The following CACNA1E variants were observed in gnomAD, a reference collection of about 807,000 sequenced individuals.
CACNA1E encodes calcium voltage-gated channel subunit alpha1 E.
Under a neutral mutation model 259.2 loss-of-function variants are expected in CACNA1E, and 40 were observed. The ratio of observed to expected loss-of-function variants is 0.15; its 90% CI spans 0.12 to 0.20. The LOEUF (loss-of-function observed/expected upper bound fraction) is 0.20. CACNA1E is among the 10% of genes least tolerant of loss of function. The pLI is 1.00. For synonymous variants in CACNA1E, 1,104 were observed against 1,138.5 expected, an observed-to-expected ratio of 0.97 and a Z score of 0.61; for missense variants, 1,874 against 3,040.1, an observed-to-expected ratio of 0.62 and a Z score of 9.02.
At chr1:181,715,267 T>A in intron 8 of CACNA1E, 71 bp from the exon 9 acceptor site, 1 of 922,736 alleles carries the variant, frequency 1.1e-6, no homozygotes. Flanking sequence ...AAGTTGTCCC[T>A]GAGGGATTTT....
At chr1:181,660,027 A>C (rs1350388399) in intron 7 of CACNA1E, among the ~76,000 whole-genome samples, 1 of 152,216 alleles carries the variant, frequency 6.6e-6, no homozygotes, top group African/African-American at 2.4e-5. Context: ...ATTGATGTAC[A>C]CACTAATTCA....
intron 1 of CACNA1E, among the ~76,000 whole-genome samples, chr1:181,399,256 A>G (rs1656915417): frequency 6.6e-6 from 1 of 151,828 alleles, no homozygotes; most frequent in African/African-American, 2.4e-5. Flanking sequence ...AAGGAAAAAA[A>G]AAAAGCAAAT....
chr1:181,741,517 G>A (rs993798191), intron 25 of CACNA1E, among the ~76,000 whole-genome samples: 3 of 152,186 alleles, frequency 2.0e-5, no homozygotes, highest in Non-Finnish European at 4.4e-5. Flanking sequence ...ACAGATAGAT[G>A]TGTGCAGGCT....
At chr1:181,528,405 TG>T (rs1310479336) in intron 3 of CACNA1E, among the ~76,000 whole-genome samples, 1 of 152,126 alleles carries the variant, frequency 6.6e-6, no homozygotes, top group Non-Finnish European at 1.5e-5. Flanking sequence ...ATCAGCAGCA[TG>T]AAAACAAACT....
At chr1:181,654,475 C>A (rs1019792250) in intron 7 of CACNA1E, among the ~76,000 whole-genome samples, 7 of 152,090 alleles carry the variant, frequency 4.6e-5, no homozygotes, top group African/African-American at 1.7e-4. Flanking sequence ...CCAAAAGACT[C>A]ACATTGCCAG....
intron 1 of CACNA1E, among the ~76,000 whole-genome samples, chr1:181,384,176 C>G (rs1655668575): frequency 6.6e-6 from 1 of 152,184 alleles, no homozygotes; most frequent in African/African-American, 2.4e-5. Flanking sequence ...TCCTGTTTAC[C>G]TGCACTGCGC....
In CACNA1E at chr1:181,758,839, G is replaced by A. The variant is rs746865900; in HGVS notation, c.4576G>A (p.Val1526Ile). The A allele has an allele frequency of 6.2e-7, 1 of 1,611,152 alleles. No individual in the cohort carries two copies. Among genetic ancestry groups the A allele is most frequent in the South Asian group, 1.1e-5 (1 of 90,988 alleles). Residue 1526 changes from valine to isoleucine, a missense_variant, in exon 32 of 48, where the codon GTC (valine) becomes ATC (isoleucine). By Grantham distance (29) the Val-to-Ile change is conservative (BLOSUM62 3). Transcript: ENST00000367573. The surrounding 1 kb of genome is among the most constrained non-coding windows in gnomAD (Gnocchi z 4.2). The part of the protein sequence containing the change: ...AFTMVFSLEC[V>I]LKVIAFGFLN... ...CACCATGGTGTTTTCCCTGGAATGT[G>A]TCCTGAAGGTCATCGCTTTTGGCTT...
intron 40 of CACNA1E, 32 bp downstream of exon 40, chr1:181,783,816 G>C (rs772585315): frequency 7.8e-6 from 11 of 1,407,032 alleles, no homozygotes; most frequent in South Asian, 1.2e-5. Context: ...AGGTGGGAAG[G>C]AGGAATTCTG....
In CACNA1E at chr1:181,654,852, C is replaced by T. The variant is rs539162504; in HGVS notation, c.1055+3411C>T. 2.0e-5 allele frequency among the ~76,000 whole-genome samples: 3 copies of T among 151,916 alleles called. 1 individual carries two copies. Among genetic ancestry groups the T allele is most frequent in the African/African-American group, 7.2e-5 (3 of 41,464 alleles). ...ACAAAAAATTAGCCGGGCGAGGTGG[C>T]GGGCGCCTGTAGTCCCAGCTACGCG... On this transcript the variant is annotated intron_variant, in intron 7 of 47. Coordinates refer to ENST00000367573, the MANE Select transcript of CACNA1E (RefSeq NM_001205293.3).
chr1:181,792,844 C>T (rs1453614168), intron 44 of CACNA1E, among the ~76,000 whole-genome samples: 1 of 152,168 alleles, frequency 6.6e-6, no homozygotes, highest in Non-Finnish European at 1.5e-5. Context: ...GCACAGCTGC[C>T]AAACAAGAAT....
At chr1:181,561,749 T>C (rs542915485) in intron 3 of CACNA1E, among the ~76,000 whole-genome samples, 5 of 152,338 alleles carry the variant, frequency 3.3e-5, no homozygotes, top group South Asian at 2.1e-4. Context: ...TAAATAACTA[T>C]TCATTGCTGG....
chr1:181,755,420 A>G, intron 28 of CACNA1E, 23 bp downstream of exon 28: 1 of 1,606,864 alleles, frequency 6.2e-7, no homozygotes, highest in Non-Finnish European at 8.5e-7. Flanking sequence ...AGCGCATTCC[A>G]CTTGATTTTG....
chr1:181,693,658 GT>G (rs1242033844), intron 7 of CACNA1E, among the ~76,000 whole-genome samples: 1 of 152,078 alleles, frequency 6.6e-6, no homozygotes, highest in African/African-American at 2.4e-5. Flanking sequence ...ACTACTGGAG[GT>G]GGTAGAGGGT....
intron 18 of CACNA1E, among the ~76,000 whole-genome samples, chr1:181,729,406 C>T (rs187286171): frequency 2.2e-4 from 33 of 152,316 alleles, no homozygotes; most frequent in African/African-American, 6.3e-4. Context: ...GGTGTTAAGG[C>T]GAAACTGCTG....
intron 44 of CACNA1E, among the ~76,000 whole-genome samples, chr1:181,790,934 T>C (rs1389765472): frequency 2.0e-5 from 3 of 152,194 alleles, no homozygotes; most frequent in African/African-American, 7.2e-5. Context: ...CTTAGTGTAG[T>C]TAGGTACTGC....
intron 1 of CACNA1E, among the ~76,000 whole-genome samples, chr1:181,381,847 T>C (rs1193002592): frequency 6.6e-6 from 1 of 152,240 alleles, no homozygotes; most frequent in Admixed American, 6.5e-5. Flanking sequence ...AGATTGTGAA[T>C]TCTATTTTCC....
intron 6 of CACNA1E, among the ~76,000 whole-genome samples, chr1:181,639,843 A>T (rs1201806352): frequency 1.3e-5 from 2 of 152,190 alleles, no homozygotes; most frequent in Non-Finnish European, 2.9e-5. Context: ...AGGAGAGTGA[A>T]TAAGAGAGTA....
chr1:181,653,134 C>T (rs546776769), intron 7 of CACNA1E, among the ~76,000 whole-genome samples: 20 of 152,190 alleles, frequency 1.3e-4, no homozygotes, highest in African/African-American at 3.6e-4. Flanking sequence ...CATAGCTCCG[C>T]GGCTTAAAAC....
rs781514358 is a variant in CACNA1E at position 181,732,818 on chromosome 1, G to A, written c.2732G>A (p.Arg911Gln). The change falls in exon 20 of 48, where the codon CGG becomes CAG. Residue 911 changes from arginine to glutamine, a missense_variant. By Grantham distance (43) the Arg-to-Gln change is conservative. This residue lies in a region of CACNA1E where 476 missense variants were observed against 514.0 expected (regional missense o/e 0.93). Coordinates refer to ENST00000367573, the MANE Select transcript of CACNA1E (RefSeq NM_001205293.3). This position sits in a 1 kb window ranked among gnomAD's most constrained non-coding sequence, Gnocchi z 5.5. ...GGEAVVTFED[R>Q]ARHRQSQRRS... ...GAGGCTGTGGTGACCTTTGAGGACC[G>A]GGCCAGGCACAGGCAGAGCCAACGG... The A allele has an allele frequency of 2.9e-5, 46 of 1,610,678 alleles. No individual in the cohort carries two copies. Among genetic ancestry groups the A allele is most frequent in the East Asian group, 4.5e-5 (2 of 44,858 alleles).
Sources: gnomAD v4.1 joint callset for allele counts (sites outside exome capture counted in the v4.1 genomes callset) on GRCh38, gnomAD v4.1.1 for gene constraint, gnomAD v4.1.1 regional missense constraint, Gnocchi (gnomAD v3.1) non-coding constraint, MANE v1.5 for transcripts, NCBI Gene and HGNC (gene_info 2026-07-23, HGNC 2026-07-21) for gene names.